CADM2: variants seen among roughly 807,000 people sequenced by gnomAD.
The protein encoded by CADM2 is cell adhesion molecule 2.
Under a neutral mutation model 49.8 loss-of-function variants are expected in CADM2, and 12 were observed. The observed-to-expected ratio is 0.24, with a 90% CI of 0.15 to 0.39. CADM2 has a LOEUF of 0.39. Among genes scored for constraint, CADM2 ranks in the 10% least tolerant of loss-of-function variants. The pLI, the probability that CADM2 is intolerant of heterozygous loss-of-function variation, is 1.00. For missense variants in CADM2, 378 were observed against 492.3 expected (o/e 0.77, Z 2.20); for synonymous variants, 214 against 175.4 (o/e 1.22, Z -1.74).
intron 1 of CADM2, among the ~76,000 whole-genome samples, chr3:85,662,959 C>A (rs1193192756): frequency 1.3e-5 from 2 of 151,988 alleles, no homozygotes; most frequent in Non-Finnish European, 2.9e-5. Context: ...TGCTTGAATC[C>A]TACCCTTTCT....
rs546888435 is a variant in CADM2, at chr3:85,655,106, A to G, written c.62-71416A>G. Among the ~76,000 whole-genome samples the G allele has an allele frequency of 2.2e-4, 33 of 152,258 alleles. No individual in the cohort carries two copies. The South Asian group carries it at 2.5e-3, about 11-fold the overall frequency. ...CCATTTCATTTTGGCATGCTTTGCT[A>G]AAACCACCAGGGTTCTAATAACACA... is the stretch of plus-strand genomic sequence containing the variant. On this transcript the variant is annotated intron_variant, in intron 1 of 9. Coordinates refer to ENST00000383699, the MANE Select transcript of CADM2 (RefSeq NM_001167675.2).
chr3:85,612,345 G>C (rs2063701146), intron 1 of CADM2, among the ~76,000 whole-genome samples: 1 of 151,782 alleles, frequency 6.6e-6, no homozygotes. Flanking sequence ...AAGTTGAAAT[G>C]TTTCCTAAAT....
chr3:85,286,860 G>A (rs1244665767), intron 1 of CADM2, among the ~76,000 whole-genome samples: 1 of 151,944 alleles, frequency 6.6e-6, no homozygotes, highest in East Asian at 1.9e-4. Context: ...TAATAAAAGA[G>A]AGCAAATACA....
intron 1 of CADM2, among the ~76,000 whole-genome samples, chr3:85,589,042 A>T (rs2063026288): frequency 6.6e-6 from 1 of 152,054 alleles, no homozygotes; most frequent in African/African-American, 2.4e-5. Context: ...ATTATGTCAG[A>T]TTTATACAGT....
intron 1 of CADM2, among the ~76,000 whole-genome samples, chr3:85,601,545 C>T (rs1287726733): frequency 2.6e-5 from 4 of 151,230 alleles, no homozygotes; most frequent in African/African-American, 2.4e-5. Flanking sequence ...TTTAGATATA[C>T]TCAAAGATCC....
chr3:85,077,193 T>G (rs2036977958), intron 1 of CADM2, among the ~76,000 whole-genome samples: 2 of 152,150 alleles, frequency 1.3e-5, no homozygotes, highest in Non-Finnish European at 2.9e-5. Context: ...AGGCCAAAAG[T>G]AATTAAAGAA....
chr3:86,009,781 T>C (rs1479318314), intron 8 of CADM2, among the ~76,000 whole-genome samples: 1 of 151,792 alleles, frequency 6.6e-6, no homozygotes, highest in East Asian at 1.9e-4. Flanking sequence ...TATTTTTTAA[T>C]TGACAAATAA....
At chr3:85,840,395 T>G (rs1158952286) in intron 3 of CADM2, among the ~76,000 whole-genome samples, 1 of 151,960 alleles carries the variant, frequency 6.6e-6, no homozygotes, top group East Asian at 1.9e-4. Flanking sequence ...AGACTTACAA[T>G]ACTAAATTGT....
intron 1 of CADM2, among the ~76,000 whole-genome samples, chr3:85,496,932 C>T (rs1358205313): frequency 2.6e-5 from 4 of 152,202 alleles, no homozygotes; most frequent in African/African-American, 9.6e-5. Context: ...CAACCTCCAA[C>T]GCCCGGGCTC....
chr3:86,014,592 A>G (rs1731972528), intron 8 of CADM2: 3 of 1,600,992 alleles, frequency 1.9e-6, no homozygotes, highest in African/African-American at 2.7e-5. Context: ...AGTGGAGCAC[A>G]TTATTCAGGA....
intron 1 of CADM2, among the ~76,000 whole-genome samples, chr3:85,446,652 G>T (rs913038233): frequency 1.4e-5 from 2 of 146,852 alleles, no homozygotes; most frequent in Non-Finnish European, 3.0e-5. Context: ...GCCCAGACTG[G>T]AGTACAAGGG....
chr3:85,921,021 G>T (rs1719033340), intron 6 of CADM2, among the ~76,000 whole-genome samples: 1 of 151,646 alleles, frequency 6.6e-6, no homozygotes, highest in African/African-American at 2.4e-5. Context: ...CAAAATTATG[G>T]AATGTATGTA....
intron 1 of CADM2, among the ~76,000 whole-genome samples, chr3:85,077,159 G>C (rs1030067166): frequency 2.6e-5 from 4 of 152,110 alleles, no homozygotes; most frequent in African/African-American, 7.2e-5. Context: ...TCTTTACCTG[G>C]AAGTTATGTA....
chr3:85,944,260 A>T (rs1722353676), intron 7 of CADM2, among the ~76,000 whole-genome samples: 3 of 152,126 alleles, frequency 2.0e-5, no homozygotes, highest in Admixed American at 2.0e-4. Flanking sequence ...AGGAGCACCC[A>T]GATTCATAAA....
At chr3:85,333,032 T>G (rs188593135) in intron 1 of CADM2, among the ~76,000 whole-genome samples, 1 of 152,000 alleles carries the variant, frequency 6.6e-6, no homozygotes, top group Admixed American at 6.6e-5. Context: ...ACTTTGATGT[T>G]ATTTTGGCTT....
chr3:85,265,146 T>G (rs2043094115), intron 1 of CADM2, among the ~76,000 whole-genome samples: 1 of 152,032 alleles, frequency 6.6e-6, no homozygotes, highest in Non-Finnish European at 1.5e-5. Context: ...AAATACAGAA[T>G]CCACATTAAC....
At chr3:85,342,350 A>G (rs1319566920) in intron 1 of CADM2, among the ~76,000 whole-genome samples, 1 of 152,126 alleles carries the variant, frequency 6.6e-6, no homozygotes, top group East Asian at 1.9e-4. Context: ...GGCAAATTTT[A>G]CCATTTAGTA....
intron 1 of CADM2, among the ~76,000 whole-genome samples, chr3:85,506,474 G>T (rs778052959): frequency 6.6e-6 from 1 of 152,114 alleles, no homozygotes; most frequent in Non-Finnish European, 1.5e-5. Context: ...AAATTCAGCA[G>T]CATGTGTTGA....
At chr3:85,780,779 T>A (rs1196794350) in intron 2 of CADM2, among the ~76,000 whole-genome samples, 1 of 152,196 alleles carries the variant, frequency 6.6e-6, no homozygotes, top group African/African-American at 2.4e-5. Flanking sequence ...TACTTCAGTG[T>A]CCTTCTCCAA....
Sources: allele counts gnomAD v4.1 joint callset (sites outside exome capture counted in the v4.1 genomes callset), GRCh38; gene constraint gnomAD v4.1.1; transcripts MANE v1.5; gene names NCBI Gene and HGNC (gene_info 2026-07-23, HGNC 2026-07-21).